Variants in NUDT16 observed in about 807,000 individuals in gnomAD.
NUDT16 encodes U8 snoRNA-decapping enzyme.
Under a neutral mutation model 11.7 loss-of-function variants are expected in NUDT16, and 12 were observed. The observed-to-expected ratio is 1.03, with a 90% CI of 0.66 to 1.67. The LOEUF is 1.67. Ranked by LOEUF, NUDT16 falls within the 40% of genes most tolerant of loss-of-function variation. The probability of loss-of-function intolerance (pLI) is 0.00; values close to 1 mark genes in which losing one functional copy is unlikely to be tolerated. For missense variants in NUDT16, 303 were observed against 268.9 expected, an observed-to-expected ratio of 1.13 and a Z score of -0.89; for synonymous variants, 129 against 122.6, an observed-to-expected ratio of 1.05 and a Z score of -0.35.
chr3:131,382,451 T>A (rs2110658295), intron 2 of NUDT16, 136 bp downstream of exon 2: 4 of 1,538,202 alleles, frequency 2.6e-6, no homozygotes, highest in Middle Eastern at 1.7e-4. Context: ...TTGGTGGAGT[T>A]GGGATCGTGA....
In NUDT16 at chr3:131,388,244, G is replaced by T. The variant is rs767028161; in HGVS notation, c.*4903G>T. The T allele has an allele frequency of 2.0e-5, 3 of 152,142 alleles. No homozygotes were observed. Among genetic ancestry groups the T allele is most frequent in the Non-Finnish European group, 2.9e-5 (2 of 68,066 alleles). 9.4% of individuals were successfully genotyped at this position (152,142 alleles called of 1,614,324 possible). The stretch of plus-strand genomic sequence containing the variant: ...GAAAAAGTGCAAAACAAGGAAAATG[G>T]CCAAAGAGAATATCATAGATACAGA... On this transcript the variant is annotated 3_prime_UTR_variant, in exon 3 of 3. Transcript: ENST00000521288.
At chr3:131,382,707 T>A (rs2097456746) in intron 2 of NUDT16, 1 of 1,409,346 alleles carries the variant, frequency 7.1e-7, no homozygotes, top group South Asian at 1.6e-5. Flanking sequence ...AGATTATGTA[T>A]GAAGGTGGTT....
At position 131,386,725 on chromosome 3, in the gene NUDT16, TAAAAA is replaced by T; in HGVS notation, c.*3385_*3389del. On this transcript the variant is annotated 3_prime_UTR_variant, in exon 3 of 3. Transcript: ENST00000521288. ...ATTGCACTTTTCTGCTGGTGCAGAA[TAAAAA>T]CACTTTGAGCCCCACCCTGTCCTGA... 1 of 152,210 alleles carries T rather than the reference TAAAAA, an allele frequency of 6.6e-6. No homozygotes were observed. The highest frequency in any genetic ancestry group is 2.1e-4 in the South Asian group (1 of 4,836). The allele number at this position is 152,210 out of a possible 1,614,324, so 9.4% of individuals were successfully genotyped here.
rs749950474 is a variant in NUDT16, at chr3:131,382,029, G to T, written c.139-17G>T. 6.3e-7 allele frequency: 1 copy of T among 1,576,540 alleles called. No homozygotes were observed. The highest frequency in any genetic ancestry group is 8.6e-7 in the Non-Finnish European group (1 of 1,159,962). ...CTCTGGGGCGCCCCTGCCAATCCCC[G>T]CTTCCCCCTCCCGCAGATGCAGATG... is the stretch of plus-strand genomic sequence containing the variant. On this transcript the variant is annotated splice_polypyrimidine_tract_variant and intron_variant, in intron 1 of 2. Transcript: ENST00000521288.
chr3:131,382,747 G>A (rs762417364), intron 2 of NUDT16: 3 of 1,349,998 alleles, frequency 2.2e-6, no homozygotes, highest in Non-Finnish European at 2.9e-6. Context: ...CAGAATCATC[G>A]GGGCGTCTTA....
rs1419302284 is a variant in NUDT16, at chr3:131,382,141, C to G, written c.234C>G (p.Arg78=). 6.2e-7 allele frequency: 1 copy of G among 1,611,570 alleles called. No homozygotes were observed. Among genetic ancestry groups the G allele is most frequent in the South Asian group, 1.1e-5 (1 of 90,910 alleles). ...SLEDGLNREL[R]EELGEAAAAF... ...AGGACGGGCTGAACCGCGAGCTGCG[C>G]GAGGAGCTGGGCGAAGCGGCTGCCG... The change falls in exon 2 of 3, where the codon CGC becomes CGG. Residue 78 remains arginine, a synonymous_variant. Coordinates refer to ENST00000521288, the MANE Select transcript of NUDT16 (RefSeq NM_152395.3).
rs777737779 is a variant in NUDT16 at position 131,383,317 on chromosome 3, C to G, written c.564C>G (p.Gly188=). 83 of 1,613,982 alleles carry G rather than the reference C, an allele frequency of 5.1e-5. No homozygotes were observed. Among genetic ancestry groups the G allele is most frequent in the Non-Finnish European group, 6.9e-5 (81 of 1,180,010 alleles). Reference sequence around the variant, plus strand: ...TGCTGCAGTCTGGCTCTATTTCAGGCCTTAAGATTCCAGCTCATCACTAGA... The same window carrying G: ...TGCTGCAGTCTGGCTCTATTTCAGGGCTTAAGATTCCAGCTCATCACTAGA... ...LGLLQSGSIS[G]LKIPAHH Residue 188 remains glycine, a synonymous_variant, in exon 3 of 3, where the codon GGC becomes GGG. Coordinates refer to ENST00000521288, the MANE Select transcript of NUDT16 (RefSeq NM_152395.3). This position sits in a 1 kb window ranked among gnomAD's most constrained non-coding sequence, Gnocchi z 4.4.
At chr3:131,382,826 T>C in intron 2 of NUDT16, 1 of 878,084 alleles carries the variant, frequency 1.1e-6, no homozygotes, top group Non-Finnish European at 1.6e-6. Context: ...ACCTGAGAAT[T>C]TGTAGTTTTC....
Position 131,381,787 on chromosome 3 carries a change from G to A in NUDT16, c.-18G>A. On this transcript the variant is annotated 5_prime_UTR_variant, in exon 1 of 3. Coordinates refer to ENST00000521288, the MANE Select transcript of NUDT16 (RefSeq NM_152395.3). ...TGCCCATTGGGCCTTCGGGACAGCA[G>A]AGGAGCAGTGTCCGGCCATGGCCGG... 6.5e-7 allele frequency: 1 copy of A among 1,540,630 alleles called. No individual in the cohort carries two copies. Among genetic ancestry groups the A allele is most frequent in the Non-Finnish European group, 8.7e-7 (1 of 1,149,648 alleles).
chr3:131,381,809 C>G lies in NUDT16; in HGVS notation c.5C>G (p.Ala2Gly). 1.3e-6 allele frequency: 2 copies of G among 1,555,696 alleles called. No individual in the cohort carries two copies. Among genetic ancestry groups the G allele is most frequent in the East Asian group, 4.8e-5 (2 of 42,064 alleles). M[A>G]GARRLELGEA... is the part of the protein sequence containing the mutation. Reference sequence around the variant, plus strand: ...GCAGAGGAGCAGTGTCCGGCCATGGCCGGAGCCCGCAGGCTGGAGCTAGGC... The same window carrying G: ...GCAGAGGAGCAGTGTCCGGCCATGGGCGGAGCCCGCAGGCTGGAGCTAGGC... Residue 2 changes from alanine to glycine, a missense_variant, in exon 1 of 3, where the codon GCC becomes GGC. Ala to Gly is a moderately conservative substitution (Grantham distance 60, BLOSUM62 0). Coordinates refer to ENST00000521288, the MANE Select transcript of NUDT16 (RefSeq NM_152395.3).
rs760704793 is a variant in NUDT16, at chr3:131,385,459, G to C, written c.*2118G>C. On this transcript the variant is annotated 3_prime_UTR_variant, in exon 3 of 3. Coordinates refer to ENST00000521288, the MANE Select transcript of NUDT16 (RefSeq NM_152395.3). ...AGGAGTCAGCATCCTTGGTGAACAA[G>C]AGGAGTGGCCACAAGGCCAGTGGCA... is the stretch of plus-strand genomic sequence containing the variant. 3.9e-5 allele frequency: 6 copies of C among 152,482 alleles called. No homozygotes were observed. Among genetic ancestry groups the C allele is most frequent in the Admixed American group, 1.3e-4 (2 of 15,290 alleles). The allele number at this position is 152,482 out of a possible 1,614,324, so 9.4% of individuals were successfully genotyped here.
chr3:131,382,747 G>T, intron 2 of NUDT16: 2 of 1,349,998 alleles, frequency 1.5e-6, no homozygotes, highest in Middle Eastern at 2.7e-4. Flanking sequence ...CAGAATCATC[G>T]GGGCGTCTTA....
chr3:131,387,095 T>TA lies in NUDT16; in HGVS notation c.*3755dup, dbSNP rs2097460370. 6.6e-6 allele frequency: 1 copy of TA among 152,212 alleles called. No homozygotes were observed. Among genetic ancestry groups the TA allele is most frequent in the Non-Finnish European group, 1.5e-5 (1 of 68,040 alleles). The allele number at this position is 152,212 out of a possible 1,614,324, so 9.4% of individuals were successfully genotyped here. ...GTAAAAGATGCTGGACCTTGGCACTTATCAGAGAAGTATAGAAGAGCCAGG... is the reference window on the plus strand; with the variant it reads ...GTAAAAGATGCTGGACCTTGGCACTTAATCAGAGAAGTATAGAAGAGCCAGG... On this transcript the variant is annotated 3_prime_UTR_variant, in exon 3 of 3. Coordinates refer to ENST00000521288, the MANE Select transcript of NUDT16 (RefSeq NM_152395.3).
rs369735356 is a variant in NUDT16, at chr3:131,381,962, G to A, written c.138+20G>A. ...ATACTGGTGAGAAGGGGGCGCGCCC[G>A]GCCACTTTCTGCCTGAGCCCCGCAC... is the stretch of plus-strand genomic sequence containing the variant. On this transcript the variant is annotated intron_variant, in intron 1 of 2. Coordinates refer to ENST00000521288, the MANE Select transcript of NUDT16 (RefSeq NM_152395.3). 6.2e-6 allele frequency: 10 copies of A among 1,604,044 alleles called. No individual in the cohort carries two copies. The highest frequency in any genetic ancestry group is 2.2e-5 in the East Asian group (1 of 44,636).
intron 1 of NUDT16, 35 bp from the exon 2 acceptor site, chr3:131,382,011 G>C (rs1406496966): frequency 6.3e-7 from 1 of 1,581,464 alleles, no homozygotes; most frequent in South Asian, 1.1e-5. Context: ...CTCCTCTGGG[G>C]CGCCCCTGCC....
In NUDT16 at chr3:131,388,447, A is replaced by C. The variant is rs111484874; in HGVS notation, c.*5106A>C. The C allele has an allele frequency of 1.4e-4, 22 of 152,354 alleles. No homozygotes were observed. Among genetic ancestry groups the C allele is most frequent in the African/African-American group, 4.3e-4 (18 of 41,590 alleles). 9.4% of individuals were successfully genotyped at this position (152,354 alleles called of 1,614,324 possible). On this transcript the variant is annotated 3_prime_UTR_variant, in exon 3 of 3. Coordinates refer to ENST00000521288, the MANE Select transcript of NUDT16 (RefSeq NM_152395.3). ...CAGGGGAACAAAAAGATAAAAACTAAAAAGCATCAGACTGTTTTTTGTGTG... is the reference window on the plus strand; with the variant it reads ...CAGGGGAACAAAAAGATAAAAACTACAAAGCATCAGACTGTTTTTTGTGTG...
rs1281770039 is a variant in NUDT16 at position 131,382,715 on chromosome 3, G to T, written c.408+400G>T. ...AGTAGATAGATTATGTATGAAGGTGGTTCTCAAAATTTGGCAGGTAGCAGA... is the reference window on the plus strand; with the variant it reads ...AGTAGATAGATTATGTATGAAGGTGTTTCTCAAAATTTGGCAGGTAGCAGA... On this transcript the variant is annotated intron_variant, in intron 2 of 2. Coordinates refer to ENST00000521288, the MANE Select transcript of NUDT16 (RefSeq NM_152395.3). The T allele has an allele frequency of 2.1e-6, 3 of 1,397,634 alleles. No homozygotes were observed. In the African/African-American group the frequency reaches 4.4e-5, roughly 20 times the overall value. The allele number at this position is 1,397,634 out of a possible 1,614,324, so 86.6% of individuals were successfully genotyped here.
rs996835979 is a variant in NUDT16, at chr3:131,383,268, T to C, written c.515T>C (p.Leu172Pro). 1.2e-6 allele frequency: 2 copies of C among 1,614,186 alleles called. No homozygotes were observed. The highest frequency in any genetic ancestry group is 1.7e-6 in the Non-Finnish European group (2 of 1,180,022). The change falls in exon 3 of 3, where the codon CTT becomes CCT. Residue 172 changes from leucine (L) to proline (P), a missense_variant. Coordinates refer to ENST00000521288, the MANE Select transcript of NUDT16 (RefSeq NM_152395.3). The surrounding 1 kb of genome is among the most constrained non-coding windows in gnomAD (Gnocchi z 4.4). ...SFIGSAREQL[L>P]EALQDLGLLQ... ...ATTGGCTCTGCGCGGGAGCAGTTACTTGAAGCTCTCCAGGACTTGGGACTG... is the reference window on the plus strand; with the variant it reads ...ATTGGCTCTGCGCGGGAGCAGTTACCTGAAGCTCTCCAGGACTTGGGACTG...
chr3:131,382,692 T>G (rs777222521), intron 2 of NUDT16: 43 of 1,434,270 alleles, frequency 3.0e-5, no homozygotes, highest in African/African-American at 4.3e-5. Context: ...GCAGGGCTAG[T>G]AGATAGATTA....
Sources: gnomAD v4.1 joint callset for allele counts on GRCh38, gnomAD v4.1.1 for gene constraint, Gnocchi (gnomAD v3.1) non-coding constraint, MANE v1.5 for transcripts, NCBI Gene and HGNC (gene_info 2026-07-23, HGNC 2026-07-21) for gene names.